Variants in PRDM4 observed in about 807,000 individuals in gnomAD.
The protein encoded by PRDM4 is PR/SET domain 4, also known as PR domain zinc finger protein 4.
A neutral mutation model predicts 62.3 loss-of-function variants in PRDM4; 38 were observed. That is an observed-to-expected ratio of 0.61 (90% confidence interval 0.47 to 0.80). The LOEUF (loss-of-function observed/expected upper bound fraction) is 0.80. Among genes scored for constraint, PRDM4 ranks in the 30% least tolerant of loss-of-function variants. The pLI is 0.00. For missense variants in PRDM4, 858 were observed against 997.1 expected (o/e 0.86, Z 1.88); for synonymous variants, 339 against 348.2 (o/e 0.97, Z 0.30).
At chr12:107,739,290 C>T in intron 11 of PRDM4, 93 bp downstream of exon 11, 2 of 1,415,238 alleles carry the variant, frequency 1.4e-6, no homozygotes, top group Admixed American at 4.0e-5. Context: ...ACAGATGAGC[C>T]AGGACTCCCC....
At chr12:107,760,821 G>A (rs1216053034) in intron 1 of PRDM4, 50 bp from the exon 2 acceptor site, 1 of 302,438 alleles carries the variant, frequency 3.3e-6, no homozygotes, top group African/African-American at 2.2e-5. Context: ...CAAGGTCGCA[G>A]CCCCCATCCC....
chr12:107,751,846 T>C lies in PRDM4; in HGVS notation c.695A>G (p.His232Arg), dbSNP rs1375803332. ...HSQIPNGSRS[H>R]EPLSVDSVSN... is the part of the protein sequence containing the mutation. ...CACAGAATCCACAGACAGAGGTTCA[T>C]GACTTCTGGAGCCATTTGGGATTTG... Residue 232 changes from histidine to arginine, a missense_variant, in exon 5 of 12, where the codon CAT becomes CGT. Physicochemically the swap from His to Arg is conservative, Grantham distance 29. Coordinates refer to ENST00000228437, the MANE Select transcript of PRDM4 (RefSeq NM_012406.4). 4 of 1,614,260 alleles carry C rather than the reference T, an allele frequency of 2.5e-6. No homozygotes were observed. The highest frequency in any genetic ancestry group is 3.4e-6 in the Non-Finnish European group (4 of 1,180,044).
chr12:107,751,357 TA>T, intron 5 of PRDM4, 57 bp downstream of exon 5: 1 of 1,501,890 alleles, frequency 6.7e-7, no homozygotes, highest in East Asian at 2.3e-5. Context: ...CTTAACTTGT[TA>T]GGGATGGTGG....
intron 10 of PRDM4, among the ~76,000 whole-genome samples, chr12:107,740,199 G>T (rs1890471865): frequency 6.6e-6 from 1 of 152,276 alleles, no homozygotes; most frequent in East Asian, 1.9e-4. Context: ...ATTAAAAAAA[G>T]TTAGTGGCCA....
intron 10 of PRDM4, among the ~76,000 whole-genome samples, chr12:107,739,889 G>A (rs1444042774): frequency 6.7e-6 from 1 of 148,378 alleles, no homozygotes; most frequent in Admixed American, 6.7e-5. Flanking sequence ...AAAAACTCAT[G>A]AATTCTAGGA....
In PRDM4 at chr12:107,734,199, T is replaced by C; in HGVS notation, c.*11A>G. On this transcript the variant is annotated 3_prime_UTR_variant, in exon 12 of 12. Coordinates refer to ENST00000228437, the MANE Select transcript of PRDM4 (RefSeq NM_012406.4). ...TGCATTTTCATCCAAAATTGCTTGT[T>C]TCTTTTCCTTTTATTTATGTGCAGA... 6.4e-7 allele frequency: 1 copy of C among 1,571,366 alleles called. No individual in the cohort carries two copies. Among genetic ancestry groups the C allele is most frequent in the Non-Finnish European group, 8.6e-7 (1 of 1,161,560 alleles).
Position 107,752,227 on chromosome 12 carries a change from T to G in PRDM4, c.332-18A>C. ...TAAAATGCCTGAGAAAAGGAAAAGA[T>G]GAGATATCAGAGACTTTTAGTACAT... is the stretch of plus-strand genomic sequence containing the variant. On this transcript the variant is annotated intron_variant, in intron 4 of 11. Coordinates refer to ENST00000228437, the MANE Select transcript of PRDM4 (RefSeq NM_012406.4). The G allele has an allele frequency of 6.6e-7, 1 of 1,526,530 alleles. No individual in the cohort carries two copies. Among genetic ancestry groups the G allele is most frequent in the Non-Finnish European group, 9.1e-7 (1 of 1,102,210 alleles). 94.6% of individuals were successfully genotyped at this position (1,526,530 alleles called of 1,614,324 possible).
chr12:107,743,114 A>C lies in PRDM4; in HGVS notation c.1481+83T>G, dbSNP rs563462919. 938 of 1,114,974 alleles carry C rather than the reference A, an allele frequency of 8.4e-4. 10 individuals carry two copies. The African/African-American group carries it at 0.013, about 16-fold the overall frequency. 69.1% of individuals were successfully genotyped at this position (1,114,974 alleles called of 1,614,324 possible). ...AGGTGTTGGTGTAATTTGGATTCTT[A>C]ACTCTTTCTTCTTTTATGCAAAGCT... On this transcript the variant is annotated intron_variant, in intron 8 of 11. Transcript: ENST00000228437.
rs1312830539 is a variant in PRDM4, at chr12:107,752,153, T to C, written c.388A>G (p.Ile130Val). The change falls in exon 5 of 12, where the codon ATA becomes GTA. Residue 130 changes from isoleucine to valine, a missense_variant. Transcript: ENST00000228437. ...AATGCTGTATTACCATCAACATTTA[T>C]AGAGTTAGGGTGGATGTACTGTGGA... is the stretch of plus-strand genomic sequence containing the variant. ...PPPQYIHPNS[I>V]NVDGNTALSI... The C allele has an allele frequency of 3.8e-6, 6 of 1,599,782 alleles. No individual in the cohort carries two copies. The highest frequency in any genetic ancestry group is 2.2e-5 in the East Asian group (1 of 44,826).
chr12:107,740,017 A>G (rs1204807065), intron 10 of PRDM4, among the ~76,000 whole-genome samples: 9 of 152,212 alleles, frequency 5.9e-5, no homozygotes. Flanking sequence ...GAATGCAAAA[A>G]TAAGATTCCT....
Position 107,754,113 on chromosome 12 carries a change from C to A in PRDM4, c.146-4G>T. 1 of 1,569,342 alleles carries A rather than the reference C, an allele frequency of 6.4e-7. No individual in the cohort carries two copies. The highest frequency in any genetic ancestry group is 1.2e-5 in the South Asian group (1 of 85,128). On this transcript the variant is annotated splice_region_variant and splice_polypyrimidine_tract_variant and intron_variant, in intron 3 of 11. Transcript: ENST00000228437. ...TTTGGAATTGCCACTGGGAGGCCTACAAAACAAAATTTTTTTTCTCAGTTA... is the reference window on the plus strand; with the variant it reads ...TTTGGAATTGCCACTGGGAGGCCTAAAAAACAAAATTTTTTTTCTCAGTTA...
chr12:107,742,152 C>T (rs1890537096), intron 9 of PRDM4, 69 bp downstream of exon 9: 2 of 1,497,140 alleles, frequency 1.3e-6, no homozygotes, highest in Admixed American at 4.2e-5. Context: ...TAAATCATTA[C>T]CAAAACTTTA....
intron 5 of PRDM4, among the ~76,000 whole-genome samples, chr12:107,748,129 G>A (rs1301150956): frequency 3.9e-5 from 6 of 152,036 alleles, no homozygotes; most frequent in African/African-American, 1.4e-4. Context: ...CAGTGAGGCT[G>A]AGATTGCGCT....
intron 2 of PRDM4, 117 bp downstream of exon 2, chr12:107,760,388 G>C (rs767310122): frequency 1.2e-4 from 155 of 1,326,432 alleles, no homozygotes; most frequent in Non-Finnish European, 1.5e-4. Context: ...TGTTTCCTTT[G>C]CAAATCACAC....
chr12:107,750,651 C>T (rs955648586), intron 5 of PRDM4, among the ~76,000 whole-genome samples: 1 of 152,052 alleles, frequency 6.6e-6, no homozygotes, highest in Non-Finnish European at 1.5e-5. Flanking sequence ...ATAAGAAAAA[C>T]TTTTACACGC....
chr12:107,743,207 G>A lies in PRDM4; in HGVS notation c.1471C>T (p.Arg491Cys), dbSNP rs778684048. Reference sequence around the variant, plus strand: ...CAAGACTACTCATACCTGGCTTTGCGCACAAACATCATCCAATTACATTCA... The same window carrying A: ...CAAGACTACTCATACCTGGCTTTGCACACAAACATCATCCAATTACATTCA... ...ENECNWMMFV[R>C]KARNREEQNL... Residue 491 changes from arginine to cysteine, a missense_variant, in exon 8 of 12, where the codon CGC becomes TGC. Physicochemically the swap from Arg to Cys is radical, Grantham distance 180. Around this residue, in one of 3 missense-constraint regions of PRDM4, gnomAD observed 355 missense variants for 432.6 expected, o/e 0.82. Transcript: ENST00000228437. The A allele has an allele frequency of 1.2e-5, 19 of 1,610,004 alleles. No individual in the cohort carries two copies. Among genetic ancestry groups the A allele is most frequent in the Non-Finnish European group, 1.4e-5 (17 of 1,176,374 alleles).
At position 107,754,122 on chromosome 12, in the gene PRDM4, AT is replaced by A. The variant is rs759070395; in HGVS notation, c.146-14del. ...GCCACTGGGAGGCCTACAAAACAAA[AT>A]TTTTTTTCTCAGTTAAAAGAAAATA... On this transcript the variant is annotated splice_polypyrimidine_tract_variant and intron_variant, in intron 3 of 11. Transcript: ENST00000228437. 14 of 1,559,368 alleles carry A rather than the reference AT, an allele frequency of 9.0e-6. No homozygotes were observed. The highest frequency in any genetic ancestry group is 1.2e-5 in the Non-Finnish European group (14 of 1,149,922).
Position 107,751,453 on chromosome 12 carries a change from T to A in PRDM4, c.1088A>T (p.Asn363Ile). 6.2e-7 allele frequency: 1 copy of A among 1,611,780 alleles called. No homozygotes were observed. Residue 363 changes from asparagine (N) to isoleucine (I), a missense_variant, in exon 5 of 12, where the codon AAT becomes ATT. Transcript: ENST00000228437. ...GGTTGCCATGTTCTCCTTGTTTGAA[T>A]TGGAGTCTTCCATTTGCAGTGAAGG... Reference protein sequence around the residue: ...VSPSLQMEDSNSNKENMATLF... With the variant: ...VSPSLQMEDSISNKENMATLF...
intron 2 of PRDM4, among the ~76,000 whole-genome samples, chr12:107,759,226 G>T (rs1891152760): frequency 6.6e-6 from 1 of 152,182 alleles, no homozygotes; most frequent in Non-Finnish European, 1.5e-5. Context: ...CTACACGCCA[G>T]CTGGGGTGAC....
Sources: gnomAD v4.1 joint callset for allele counts (sites outside exome capture counted in the v4.1 genomes callset) on GRCh38, gnomAD v4.1.1 for gene constraint, gnomAD v4.1.1 regional missense constraint, MANE v1.5 for transcripts, NCBI Gene and HGNC (gene_info 2026-07-23, HGNC 2026-07-21) for gene names.